The following FHIT variants were observed in gnomAD, a reference collection of about 807,000 sequenced individuals.
FHIT encodes bis(5'-adenosyl)-triphosphatase.
FHIT carries 19 observed loss-of-function variants against 17.9 expected under a neutral mutation model. The observed-to-expected ratio is 1.06, with a 90% CI of 0.74 to 1.56. FHIT has a LOEUF of 1.56. Ranked by LOEUF, FHIT falls within the 40% of genes most tolerant of loss-of-function variation. The pLI is 0.00. For missense variants in FHIT, 248 were observed against 189.2 expected (o/e 1.31, Z -1.82); for synonymous variants, 81 against 69.7 (o/e 1.16, Z -0.81).
intron 5 of FHIT, among the ~76,000 whole-genome samples, chr3:60,229,280 G>A (rs765890168): frequency 9.9e-5 from 15 of 152,028 alleles, no homozygotes; most frequent in African/African-American, 3.6e-4. Flanking sequence ...AGCCAGGTGT[G>A]GTGGTGAGCA....
chr3:60,608,508 C>A (rs1233158813), intron 4 of FHIT, among the ~76,000 whole-genome samples: 2 of 152,120 alleles, frequency 1.3e-5, no homozygotes, highest in African/African-American at 4.8e-5. Flanking sequence ...CTCTGGGGTG[C>A]TACATGGGTG....
chr3:59,957,015 A>G (rs1052265618), intron 7 of FHIT, among the ~76,000 whole-genome samples: 5 of 152,122 alleles, frequency 3.3e-5, no homozygotes, highest in Admixed American at 2.0e-4. Flanking sequence ...ATTACACTCT[A>G]CAGAACAGGG....
At chr3:59,971,996 G>C (rs1004376332) in intron 7 of FHIT, among the ~76,000 whole-genome samples, 1 of 152,108 alleles carries the variant, frequency 6.6e-6, no homozygotes. Context: ...GCCCTGTGCA[G>C]ACATGCCTTG....
chr3:60,873,906 C>T (rs1257684761), intron 3 of FHIT, among the ~76,000 whole-genome samples: 1 of 152,150 alleles, frequency 6.6e-6, no homozygotes, highest in East Asian at 1.9e-4. Context: ...CCCGCTATGG[C>T]ATTTTAAAAT....
At position 59,867,004 on chromosome 3, in the gene FHIT, G is replaced by T. The variant is rs528426713; in HGVS notation, c.348+55342C>A. On this transcript the variant is annotated intron_variant, in intron 8 of 9. Coordinates refer to ENST00000492590, the MANE Select transcript of FHIT (RefSeq NM_002012.4). ...TAATCTCTAATGTTTTGCTTTCTATGATAAATAAGGGGTTCGTGAAGTTCA... is the reference window on the plus strand; with the variant it reads ...TAATCTCTAATGTTTTGCTTTCTATTATAAATAAGGGGTTCGTGAAGTTCA... Among the ~76,000 whole-genome samples, 3 of 151,358 alleles carry T rather than the reference G, an allele frequency of 2.0e-5. No homozygotes were observed. The South Asian group carries it at 6.3e-4, about 32-fold the overall frequency.
chr3:60,716,265 T>TCACACA (rs781893881), intron 4 of FHIT, among the ~76,000 whole-genome samples: 10 of 150,430 alleles, frequency 6.6e-5, no homozygotes, highest in African/African-American at 2.4e-4. Flanking sequence ...ACACACACAC[T>TCACACA]CACACACACA....
chr3:60,086,841 T>C (rs1703514666), intron 5 of FHIT, among the ~76,000 whole-genome samples: 1 of 152,160 alleles, frequency 6.6e-6, no homozygotes, highest in Non-Finnish European at 1.5e-5. Context: ...CTTTTCCAGG[T>C]TGAGGTTACA....
intron 5 of FHIT, among the ~76,000 whole-genome samples, chr3:60,156,213 G>A (rs554378797): frequency 7.2e-5 from 11 of 151,928 alleles, no homozygotes; most frequent in Admixed American, 3.3e-4. Flanking sequence ...TTAGCAGGGC[G>A]TGGTGATGCT....
chr3:60,396,541 A>G (rs959044614), intron 5 of FHIT, among the ~76,000 whole-genome samples: 3 of 151,614 alleles, frequency 2.0e-5, no homozygotes, highest in Non-Finnish European at 4.4e-5. Flanking sequence ...GAAACCAGAC[A>G]CAAAAAGTTA....
chr3:60,015,892 T>G (rs1199606618), intron 5 of FHIT, among the ~76,000 whole-genome samples: 1 of 152,258 alleles, frequency 6.6e-6, no homozygotes, highest in Non-Finnish European at 1.5e-5. Context: ...TTGTCAATTT[T>G]GCTTGTTTGC....
intron 3 of FHIT, among the ~76,000 whole-genome samples, chr3:60,844,951 G>T (rs1702873577): frequency 6.6e-6 from 1 of 151,940 alleles, no homozygotes; most frequent in African/African-American, 2.4e-5. Flanking sequence ...CATGTGATCT[G>T]CTGGATTTTT....
At chr3:60,877,489 C>A (rs565690763) in intron 3 of FHIT, among the ~76,000 whole-genome samples, 5 of 152,226 alleles carry the variant, frequency 3.3e-5, no homozygotes, top group Admixed American at 2.6e-4. Context: ...TCCGCTGCAA[C>A]TGTACACTGC....
At chr3:61,160,509 T>G (rs2037657271) in intron 2 of FHIT, among the ~76,000 whole-genome samples, 1 of 152,238 alleles carries the variant, frequency 6.6e-6, no homozygotes, top group African/African-American at 2.4e-5. Context: ...AGATGGCTGT[T>G]ATTGATGACA....
intron 3 of FHIT, among the ~76,000 whole-genome samples, chr3:61,029,497 GCCATCCAGTA>G (rs2032905421): frequency 1.3e-5 from 2 of 152,104 alleles, no homozygotes; most frequent in Admixed American, 6.5e-5. Flanking sequence ...GCAAAACTAA[GCCATCCAGTA>G]CCACTTAAAA....
At chr3:60,601,492 T>A (rs536975702) in intron 4 of FHIT, among the ~76,000 whole-genome samples, 8 of 152,118 alleles carry the variant, frequency 5.3e-5, no homozygotes, top group African/African-American at 1.7e-4. Flanking sequence ...TAGCTCAGAA[T>A]AGGGAAGACA....
chr3:60,272,184 T>G (rs187416573), intron 5 of FHIT, among the ~76,000 whole-genome samples: 7 of 152,314 alleles, frequency 4.6e-5, no homozygotes, highest in Admixed American at 4.6e-4. Context: ...AATTTTAACC[T>G]TGCTCTTTGG....
At chr3:60,807,737 G>A (rs1220136719) in intron 4 of FHIT, among the ~76,000 whole-genome samples, 2 of 152,046 alleles carry the variant, frequency 1.3e-5, no homozygotes, top group African/African-American at 4.8e-5. Flanking sequence ...ACTTGGTAAA[G>A]AAGTACAGCC....
chr3:60,966,925 T>A (rs1575768957), intron 3 of FHIT, among the ~76,000 whole-genome samples: 1 of 152,206 alleles, frequency 6.6e-6, no homozygotes, highest in African/African-American at 2.4e-5. Flanking sequence ...GATGCTTTTA[T>A]AGTTAGAGAG....
intron 5 of FHIT, among the ~76,000 whole-genome samples, chr3:60,465,877 T>A (rs2032761040): frequency 6.6e-6 from 1 of 152,120 alleles, no homozygotes; most frequent in Non-Finnish European, 1.5e-5. Context: ...GGGTCTTTTG[T>A]GGTATTATGT....
Sources: allele counts gnomAD v4.1 joint callset (sites outside exome capture counted in the v4.1 genomes callset), GRCh38; gene constraint gnomAD v4.1.1; transcripts MANE v1.5; gene names NCBI Gene and HGNC (gene_info 2026-07-23, HGNC 2026-07-21).